LPP: variants seen among roughly 807,000 people sequenced by gnomAD.
LPP encodes lipoma-preferred partner.
Under a neutral mutation model 60.4 loss-of-function variants are expected in LPP, and 38 were observed. The observed-to-expected ratio is 0.63, with a 90% confidence interval of 0.49 to 0.83. The LOEUF (loss-of-function observed/expected upper bound fraction) is 0.83, where lower values mean the gene tolerates loss of function less well. LPP is among the 40% of genes least tolerant of loss of function. The pLI is 0.00. For synonymous variants in LPP, 328 were observed against 290.8 expected (o/e 1.13, Z -1.30); for missense variants, 902 against 783.6 (o/e 1.15, Z -1.80).
intron 4 of LPP, among the ~76,000 whole-genome samples, chr3:188,457,743 T>A (rs1174940150): frequency 6.8e-6 from 1 of 146,238 alleles, no homozygotes; most frequent in African/African-American, 2.5e-5. Flanking sequence ...AAAAAAAATA[T>A]ATATATATAT....
chr3:188,783,405 G>C (rs1379304679), intron 9 of LPP, among the ~76,000 whole-genome samples: 1 of 152,172 alleles, frequency 6.6e-6, no homozygotes, highest in Non-Finnish European at 1.5e-5. Flanking sequence ...TATTTTGCAG[G>C]AACATGGATG....
In LPP at chr3:188,179,479, C is replaced by A. The variant is rs117069844; in HGVS notation, c.-190+25227C>A. ...CCAGAGCTCCTTCCCTTCTGGGGCGCCCACATCTGCGACACGCTTGTTTGC... is the reference window on the plus strand; with the variant it reads ...CCAGAGCTCCTTCCCTTCTGGGGCGACCACATCTGCGACACGCTTGTTTGC... On this transcript the variant is annotated intron_variant, in intron 1 of 11. Transcript: ENST00000617246. 1.3e-3 allele frequency: 581 copies of A among 457,896 alleles called. 14 individuals are homozygous for A. The East Asian group carries it at 0.03, about 24-fold the overall frequency. The allele number at this position is 457,896 out of a possible 1,614,324, so 28.4% of individuals were successfully genotyped here.
intron 9 of LPP, among the ~76,000 whole-genome samples, chr3:188,863,549 CT>C (rs1466309208): frequency 3.3e-5 from 5 of 152,112 alleles, no homozygotes; most frequent in Non-Finnish European, 7.4e-5. Context: ...TGAGTTTTTC[CT>C]TTCTCGAAGG....
chr3:188,216,592 G>A (rs973830481), intron 1 of LPP, among the ~76,000 whole-genome samples: 2 of 152,110 alleles, frequency 1.3e-5, no homozygotes, highest in South Asian at 2.1e-4. Flanking sequence ...ATAATGCAAT[G>A]TTTCATCTGG....
chr3:188,378,799 G>A (rs947064201), intron 3 of LPP, among the ~76,000 whole-genome samples: 2 of 152,302 alleles, frequency 1.3e-5, no homozygotes, highest in East Asian at 3.9e-4. Flanking sequence ...CATCTTCTGC[G>A]TCGCTCCCTC....
chr3:188,500,944 C>T (rs1811655239), intron 5 of LPP, among the ~76,000 whole-genome samples: 1 of 151,994 alleles, frequency 6.6e-6, no homozygotes, highest in African/African-American at 2.4e-5. Flanking sequence ...CTGTCTCTCT[C>T]TCACTTCATC....
At chr3:188,584,580 T>TGTGA (rs1193446388) in intron 6 of LPP, 3 of 151,590 alleles carry the variant, frequency 2.0e-5, no homozygotes, top group Non-Finnish European at 4.4e-5. Context: ...TGTGTGTGTG[T>TGTGA]GAAGTTGGCC....
chr3:188,346,945 T>C (rs1318224813), intron 3 of LPP, among the ~76,000 whole-genome samples: 2 of 152,216 alleles, frequency 1.3e-5, no homozygotes, highest in Non-Finnish European at 2.9e-5. Flanking sequence ...TATTTTAATA[T>C]TGAAACTCTT....
At chr3:188,274,999 G>T (rs941968031) in intron 2 of LPP, among the ~76,000 whole-genome samples, 2 of 152,184 alleles carry the variant, frequency 1.3e-5, no homozygotes, top group African/African-American at 4.8e-5. Context: ...CTAATTCAGT[G>T]CTTAAATTTA....
At chr3:188,498,334 G>A (rs746823162) in intron 5 of LPP, among the ~76,000 whole-genome samples, 10 of 151,882 alleles carry the variant, frequency 6.6e-5, no homozygotes, top group Admixed American at 2.6e-4. Context: ...CCTCTATACC[G>A]CTTCACCAAT....
chr3:188,818,113 C>T (rs965751030), intron 9 of LPP, among the ~76,000 whole-genome samples: 7 of 152,100 alleles, frequency 4.6e-5, no homozygotes, highest in African/African-American at 1.2e-4. Context: ...TAATCAATCC[C>T]GGTATTGAGC....
At chr3:188,456,113 G>C (rs1320036178) in intron 4 of LPP, among the ~76,000 whole-genome samples, 1 of 152,052 alleles carries the variant, frequency 6.6e-6, no homozygotes, top group Admixed American at 6.6e-5. Context: ...GTTGGCACTG[G>C]GCTCAAATGA....
At chr3:188,244,631 T>C (rs745663172) in intron 2 of LPP, among the ~76,000 whole-genome samples, 1 of 152,252 alleles carries the variant, frequency 6.6e-6, no homozygotes, top group Non-Finnish European at 1.5e-5. Flanking sequence ...TTAGACGCTT[T>C]ATTCATTCTC....
chr3:188,756,012 C>T (rs1730105544), intron 8 of LPP, among the ~76,000 whole-genome samples: 1 of 152,078 alleles, frequency 6.6e-6, no homozygotes, highest in Admixed American at 6.6e-5. Flanking sequence ...ATTAAGACTT[C>T]TGTAAAGTCT....
chr3:188,407,780 G>GGTTTTTTTTTTTTT (rs1783921243), intron 4 of LPP, among the ~76,000 whole-genome samples: 1 of 94,898 alleles, frequency 1.1e-5, no homozygotes, highest in African/African-American at 4.2e-5. Flanking sequence ...TTTTTTTTTT[G>GGTTTTTTTTTTTTT]TTTGTTTGTT....
intron 5 of LPP, among the ~76,000 whole-genome samples, chr3:188,496,918 TAATGAAATTTAGTAAAGATGTC>T (rs1418440486): frequency 6.6e-6 from 1 of 152,178 alleles, no homozygotes; most frequent in Non-Finnish European, 1.5e-5. Flanking sequence ...TGTATTTTAC[TAATGAAATTTAGTAAAGATGTC>T]AATGTCAATC....
chr3:188,636,967 C>T (rs559830812), intron 7 of LPP, among the ~76,000 whole-genome samples: 5 of 143,034 alleles, frequency 3.5e-5, no homozygotes, highest in Admixed American at 2.0e-4. Flanking sequence ...GACAGAAAGT[C>T]AACAAGGATA....
intron 7 of LPP, among the ~76,000 whole-genome samples, chr3:188,636,399 G>A (rs1848774559): frequency 6.6e-6 from 1 of 152,212 alleles, no homozygotes; most frequent in African/African-American, 2.4e-5. Flanking sequence ...CTTGCTCGGA[G>A]GGTCCTACCC....
intron 9 of LPP, among the ~76,000 whole-genome samples, chr3:188,796,251 C>A (rs1745306838): frequency 6.6e-6 from 1 of 152,124 alleles, no homozygotes; most frequent in Admixed American, 6.5e-5. Flanking sequence ...CATCTCCAGA[C>A]AGTGCAGCAC....
Sources: allele counts gnomAD v4.1 joint callset (sites outside exome capture counted in the v4.1 genomes callset), GRCh38; gene constraint gnomAD v4.1.1; transcripts MANE v1.5; gene names NCBI Gene and HGNC (gene_info 2026-07-23, HGNC 2026-07-21).